Variants in CHST8 observed in about 807,000 individuals in gnomAD.
CHST8 encodes the protein carbohydrate sulfotransferase 8.
Under a neutral mutation model 15.0 loss-of-function variants are expected in CHST8, and 10 were observed. That is an observed-to-expected ratio of 0.67 (90% CI 0.41 to 1.13). CHST8 has a LOEUF of 1.13. CHST8 is among the 50% of genes most tolerant of loss of function. CHST8 has a pLI of 0.00. For missense variants in CHST8, 634 were observed against 608.2 expected, an observed-to-expected ratio of 1.04 and a Z score of -0.45; for synonymous variants, 259 against 256.6, an observed-to-expected ratio of 1.01 and a Z score of -0.09.
At chr19:33,749,046 C>G (rs1396924390) in intron 3 of CHST8, among the ~76,000 whole-genome samples, 12 of 152,250 alleles carry the variant, frequency 7.9e-5, no homozygotes, top group Non-Finnish European at 8.8e-5. Flanking sequence ...GCCAGAGGGA[C>G]AGCAGCAAGG....
chr19:33,766,532 G>A (rs1974847366), intron 3 of CHST8, among the ~76,000 whole-genome samples: 1 of 152,216 alleles, frequency 6.6e-6, no homozygotes, highest in Admixed American at 6.5e-5. Flanking sequence ...CACCTTAGGT[G>A]TGGGAGCTGC....
At chr19:33,670,910 C>T (rs1315198653) in intron 2 of CHST8, among the ~76,000 whole-genome samples, 1 of 152,124 alleles carries the variant, frequency 6.6e-6, no homozygotes, top group Admixed American at 6.5e-5. Flanking sequence ...TTATTACTCC[C>T]ATTTTGCAGA....
At chr19:33,761,545 G>A (rs1974728316) in intron 3 of CHST8, among the ~76,000 whole-genome samples, 1 of 151,988 alleles carries the variant, frequency 6.6e-6, no homozygotes, top group Admixed American at 6.6e-5. Context: ...TGGCCAGGCT[G>A]GTCTTGAACT....
chr19:33,682,537 T>C (rs1016770038), intron 2 of CHST8, among the ~76,000 whole-genome samples: 20 of 152,236 alleles, frequency 1.3e-4, no homozygotes, highest in African/African-American at 4.8e-4. Context: ...ACAGAGACTC[T>C]GTACCCATTA....
At chr19:33,683,825 C>A (rs865825101) in intron 2 of CHST8, among the ~76,000 whole-genome samples, 1 of 152,158 alleles carries the variant, frequency 6.6e-6, no homozygotes, top group Non-Finnish European at 1.5e-5. Flanking sequence ...GGGCTGTCAC[C>A]GCGATGGTGC....
chr19:33,754,201 C>T (rs1974500058), intron 3 of CHST8, among the ~76,000 whole-genome samples: 1 of 148,492 alleles, frequency 6.7e-6, no homozygotes. Flanking sequence ...ACAAGGAAGA[C>T]ACCCTTGTGT....
chr19:33,768,186 A>G (rs1974890090), intron 3 of CHST8, among the ~76,000 whole-genome samples: 3 of 152,326 alleles, frequency 2.0e-5, no homozygotes, highest in African/African-American at 7.2e-5. Context: ...TGACTGGTGC[A>G]TGGAAGAGCA....
intron 1 of CHST8, among the ~76,000 whole-genome samples, chr19:33,666,435 A>G (rs1250038187): frequency 1.3e-5 from 2 of 152,156 alleles, no homozygotes; most frequent in Non-Finnish European, 2.9e-5. Flanking sequence ...GACAAAAAGG[A>G]GGCAGAGCTC....
intron 3 of CHST8, among the ~76,000 whole-genome samples, chr19:33,759,591 C>T (rs935504173): frequency 6.6e-6 from 1 of 152,204 alleles, no homozygotes; most frequent in Non-Finnish European, 1.5e-5. Flanking sequence ...CCCACAGGCA[C>T]GTCTGCCCCC....
At chr19:33,649,456 A>T (rs1972404859) in intron 1 of CHST8, among the ~76,000 whole-genome samples, 1 of 152,304 alleles carries the variant, frequency 6.6e-6, no homozygotes, top group Middle Eastern at 3.4e-3. Flanking sequence ...TCCACCTGAA[A>T]ACCGAAAGCA....
chr19:33,748,267 T>C (rs1009460615), intron 3 of CHST8, among the ~76,000 whole-genome samples: 1 of 152,208 alleles, frequency 6.6e-6, no homozygotes, highest in African/African-American at 2.4e-5. Flanking sequence ...TCCCCCATTA[T>C]CATCTCCACT....
rs553793882 is a variant in CHST8, at chr19:33,692,839, G to A, written c.130+3448G>A. 6.6e-5 allele frequency among the ~76,000 whole-genome samples: 10 copies of A among 152,194 alleles called. No homozygotes were observed. The South Asian group carries it at 1.9e-3, about 28-fold the overall frequency. On this transcript the variant is annotated intron_variant, in intron 3 of 4. Transcript: ENST00000650847. ...GCGAATTTGGAACACATGCAGTAGT[G>A]GAGTAGGATAGTGCCATGAACACCA...
chr19:33,689,166 T>C lies in CHST8; in HGVS notation c.-86-10T>C. 1 of 1,415,200 alleles carries C rather than the reference T, an allele frequency of 7.1e-7. No homozygotes were observed. The highest frequency in any genetic ancestry group is 9.3e-7 in the Non-Finnish European group (1 of 1,075,742). 87.7% of individuals were successfully genotyped at this position (1,415,200 alleles called of 1,614,324 possible). A position where few individuals can be genotyped will look rare whatever the true frequency, so the allele number is the denominator to read the frequency against. ...GCCTCGGTGATGACTATCCCTCCTC[T>C]GCCCCGTAGATCTCGGCCTGATGGA... On this transcript the variant is annotated splice_polypyrimidine_tract_variant and intron_variant, in intron 2 of 4. Coordinates refer to ENST00000650847, the MANE Select transcript of CHST8 (RefSeq NM_001127895.2).
intron 3 of CHST8, among the ~76,000 whole-genome samples, chr19:33,694,460 C>T (rs79173703): frequency 3.7e-4 from 56 of 151,798 alleles, no homozygotes; most frequent in African/African-American, 1.3e-3. Context: ...ATTGGACAGC[C>T]CCCGATGACT....
chr19:33,627,097 T>TGGG (rs1972063701), intron 1 of CHST8, among the ~76,000 whole-genome samples: 2 of 33,506 alleles, frequency 6.0e-5, no homozygotes, highest in Admixed American at 4.6e-4. Context: ...TCCTCTTTTT[T>TGGG]TGGGGGGGGG....
At chr19:33,740,584 T>C (rs147825879) in intron 3 of CHST8, among the ~76,000 whole-genome samples, 1 of 152,230 alleles carries the variant, frequency 6.6e-6, no homozygotes, top group African/African-American at 2.4e-5. Context: ...TACCACTGTG[T>C]TGAAACTGCA....
intron 1 of CHST8, among the ~76,000 whole-genome samples, chr19:33,628,096 C>T (rs767273624): frequency 9.2e-5 from 14 of 151,930 alleles, no homozygotes; most frequent in Admixed American, 3.3e-4. Flanking sequence ...CCTTCAGCTG[C>T]GGTCTGAAGG....
chr19:33,768,294 G>A (rs1599643772), intron 3 of CHST8, among the ~76,000 whole-genome samples: 1 of 152,108 alleles, frequency 6.6e-6, no homozygotes, highest in African/African-American at 2.4e-5. Flanking sequence ...TGAACTTGTA[G>A]CCAGGTATGG....
At chr19:33,644,464 G>A (rs1972324451) in intron 1 of CHST8, among the ~76,000 whole-genome samples, 1 of 152,120 alleles carries the variant, frequency 6.6e-6, no homozygotes, top group Admixed American at 6.5e-5. Flanking sequence ...GCCGGGTGTG[G>A]TGGCTCATGC....
Sources: allele counts gnomAD v4.1 joint callset (sites outside exome capture counted in the v4.1 genomes callset), GRCh38; gene constraint gnomAD v4.1.1; transcripts MANE v1.5; gene names NCBI Gene and HGNC (gene_info 2026-07-23, HGNC 2026-07-21).